The following TBL1XR1 variants were observed in gnomAD, a reference collection of about 807,000 sequenced individuals.
TBL1XR1 encodes the protein TBL1X/Y related 1, also known as F-box-like/WD repeat-containing protein TBL1XR1.
Under a neutral mutation model 66.9 loss-of-function variants are expected in TBL1XR1, and 5 were observed. That is an observed-to-expected ratio of 0.07 (90% CI 0.04 to 0.16). TBL1XR1 has a LOEUF of 0.16. Among genes scored for constraint, TBL1XR1 ranks in the 10% least tolerant of loss-of-function variants. TBL1XR1 has a pLI of 1.00. For synonymous variants in TBL1XR1, 210 were observed against 206.0 expected, an observed-to-expected ratio of 1.02 and a Z score of -0.17; for missense variants, 238 against 623.2, an observed-to-expected ratio of 0.38 and a Z score of 6.58.
intron 1 of TBL1XR1, among the ~76,000 whole-genome samples, chr3:177,104,129 A>AAAAG (rs754019574): frequency 3.7e-4 from 52 of 141,238 alleles, no homozygotes; most frequent in Middle Eastern, 3.5e-3. Context: ...AAAAAAAAAA[A>AAAAG]AGAGAGAGAG....
At chr3:177,069,783 A>AAAGGAAGGAAAGG (rs145829799) in intron 2 of TBL1XR1, among the ~76,000 whole-genome samples, 1 of 95,382 alleles carries the variant, frequency 1.0e-5, no homozygotes, top group Non-Finnish European at 2.1e-5. Flanking sequence ...GAAAGGAAGG[A>AAAGGAAGGAAAGG]AAAGGAAGGA....
intron 1 of TBL1XR1, among the ~76,000 whole-genome samples, chr3:177,139,054 C>A (rs1039495671): frequency 6.6e-6 from 1 of 152,124 alleles, no homozygotes; most frequent in Non-Finnish European, 1.5e-5. Context: ...CAAAAATTTG[C>A]CAAAACCTAA....
At chr3:177,040,971 T>C (rs1258592045) in intron 10 of TBL1XR1, 2 of 152,194 alleles carry the variant, frequency 1.3e-5, no homozygotes, top group African/African-American at 4.8e-5. Context: ...ATCAACCTTT[T>C]AACAAAGTGC....
intron 1 of TBL1XR1, among the ~76,000 whole-genome samples, chr3:177,148,796 G>A (rs1730542091): frequency 6.6e-6 from 1 of 152,144 alleles, no homozygotes; most frequent in Non-Finnish European, 1.5e-5. Flanking sequence ...CCTGAGGTCA[G>A]GAGTTTGAGA....
At chr3:177,081,694 C>G (rs1383495421) in intron 2 of TBL1XR1, among the ~76,000 whole-genome samples, 1 of 149,578 alleles carries the variant, frequency 6.7e-6, no homozygotes, top group Non-Finnish European at 1.5e-5. Context: ...TATGCCGTGA[C>G]TGCGCTGCAT....
chr3:177,130,069 C>G lies in TBL1XR1; in HGVS notation c.-121-31528G>C, dbSNP rs144698029. Among the ~76,000 whole-genome samples, 291 of 146,858 alleles carry G rather than the reference C, an allele frequency of 2.0e-3. No individual in the cohort carries two copies. In the East Asian group the frequency reaches 0.025, roughly 13 times the overall value. ...TGGAGGCTGGAGAATCGCTTGAACC[C>G]AGGAGGCGGAGGTTGCAGTGAGCCG... On this transcript the variant is annotated intron_variant, in intron 1 of 15. Transcript: ENST00000457928.
intron 1 of TBL1XR1, chr3:177,194,149 T>C (rs1235593025): frequency 1.3e-5 from 2 of 152,250 alleles, no homozygotes; most frequent in African/African-American, 4.8e-5. Context: ...CAAGTTTCTA[T>C]TGGTGGCAGA....
chr3:177,167,136 T>C (rs913090607), intron 1 of TBL1XR1, among the ~76,000 whole-genome samples: 1 of 152,228 alleles, frequency 6.6e-6, no homozygotes, highest in Non-Finnish European at 1.5e-5. Flanking sequence ...ACTTGGTACA[T>C]GCAGACAATG....
chr3:177,050,183 C>T (rs545793154), intron 6 of TBL1XR1, 45 bp from the exon 7 acceptor site: 15 of 1,594,476 alleles, frequency 9.4e-6, no homozygotes, highest in South Asian at 5.6e-5. Context: ...GACATTCTCA[C>T]GTATCAGAAC....
Position 177,095,390 on chromosome 3 carries a change from G to A in TBL1XR1, c.-46+3076C>T, listed in dbSNP as rs1428127843. Among the ~76,000 whole-genome samples, 4 of 151,930 alleles carry A rather than the reference G, an allele frequency of 2.6e-5. No homozygotes were observed. The East Asian group carries it at 7.7e-4, about 29-fold the overall frequency. On this transcript the variant is annotated intron_variant, in intron 2 of 15. Coordinates refer to ENST00000457928, the MANE Select transcript of TBL1XR1 (RefSeq NM_024665.7). ...GTCAAAATAATAATATACACCTGCT[G>A]GCCAATGGGTCCTACTAATGCAATA... is the stretch of plus-strand genomic sequence containing the variant.
At chr3:177,181,726 T>G (rs949226689) in intron 1 of TBL1XR1, among the ~76,000 whole-genome samples, 1 of 150,826 alleles carries the variant, frequency 6.6e-6, no homozygotes, top group Admixed American at 6.6e-5. Context: ...AGGGCAGCAG[T>G]AGATGTATGG....
intron 1 of TBL1XR1, among the ~76,000 whole-genome samples, chr3:177,181,479 T>TA (rs11420978): frequency 0.54 from 74,393 of 137,616 alleles, 19,844 homozygotes; most frequent in Non-Finnish European, 0.58. Flanking sequence ...GACTCCGTCT[T>TA]AAAAAAAAAA....
At position 177,022,896 on chromosome 3, in the gene TBL1XR1, T is replaced by C. The variant is rs973386108; in HGVS notation, c.*2602A>G. 4.6e-5 allele frequency: 7 copies of C among 152,250 alleles called. No individual in the cohort carries two copies. The highest frequency in any genetic ancestry group is 1.7e-4 in the African/African-American group (7 of 41,366). 9.4% of individuals were successfully genotyped at this position (152,250 alleles called of 1,614,324 possible). On this transcript the variant is annotated 3_prime_UTR_variant, in exon 16 of 16. Transcript: ENST00000457928. ...TCATGAAGAACCCAAGCCTACAAAATGGATACCTTTCAGAAAAGTATATAC... is the reference window on the plus strand; with the variant it reads ...TCATGAAGAACCCAAGCCTACAAAACGGATACCTTTCAGAAAAGTATATAC...
Position 177,024,303 on chromosome 3 carries a change from C to G in TBL1XR1, c.*1195G>C, listed in dbSNP as rs1576952299. The G allele has an allele frequency of 1.3e-5, 2 of 152,622 alleles. No homozygotes were observed. The highest frequency in any genetic ancestry group is 6.5e-5 in the Admixed American group (1 of 15,278). 9.5% of individuals were successfully genotyped at this position (152,622 alleles called of 1,614,324 possible). On this transcript the variant is annotated 3_prime_UTR_variant, in exon 16 of 16. Transcript: ENST00000457928. ...TTGTTTTTTAAACTAAGGTAGCAAA[C>G]ATTTTGCCATGTAATGGCAGTGTTA...
chr3:177,061,014 G>C (rs891152500), intron 3 of TBL1XR1, among the ~76,000 whole-genome samples: 7 of 152,310 alleles, frequency 4.6e-5, no homozygotes, highest in Admixed American at 3.3e-4. Context: ...TTCATAAAAA[G>C]GCAGAATGGT....
intron 2 of TBL1XR1, among the ~76,000 whole-genome samples, chr3:177,070,070 A>G (rs1248974669): frequency 6.6e-6 from 1 of 152,216 alleles, no homozygotes; most frequent in Non-Finnish European, 1.5e-5. Flanking sequence ...GATAGGGAAC[A>G]CTGACTCATA....
intron 2 of TBL1XR1, chr3:177,091,119 G>C (rs578088755): frequency 6.6e-6 from 1 of 151,854 alleles, no homozygotes; most frequent in Non-Finnish European, 1.5e-5. Context: ...ATTGGAGGTG[G>C]GCAGGGGGGC....
At chr3:177,104,116 C>CAAA (rs955890570) in intron 1 of TBL1XR1, among the ~76,000 whole-genome samples, 1 of 111,216 alleles carries the variant, frequency 9.0e-6, no homozygotes. Context: ...ACTCGGTCTC[C>CAAA]AAAAAAAAAA....
chr3:177,189,664 A>AAAAAAAAAAAAAAATTTC (rs57549428), intron 1 of TBL1XR1, among the ~76,000 whole-genome samples: 1 of 141,878 alleles, frequency 7.0e-6, no homozygotes, highest in African/African-American at 2.7e-5. Flanking sequence ...AAAAAAAAAA[A>AAAAAAAAAAAAAAATTTC]AGAAGGATGT....
Sources: allele counts gnomAD v4.1 joint callset (sites outside exome capture counted in the v4.1 genomes callset), GRCh38; gene constraint gnomAD v4.1.1; transcripts MANE v1.5; gene names NCBI Gene and HGNC (gene_info 2026-07-23, HGNC 2026-07-21).